GPCPD1: variants seen among roughly 807,000 people sequenced by gnomAD.
GPCPD1 encodes the protein glycerophosphocholine phosphodiesterase 1.
In GPCPD1, 29 loss-of-function variants were observed where a neutral mutation model predicts 89.2. The ratio of observed to expected loss-of-function variants is 0.33; its 90% CI spans 0.24 to 0.44. The LOEUF is 0.44. Ranked by LOEUF, GPCPD1 falls within the 20% of genes least tolerant of loss-of-function variation. GPCPD1 has a pLI of 1.00. For synonymous variants in GPCPD1, 258 were observed against 266.3 expected, an observed-to-expected ratio of 0.97 and a Z score of 0.30; for missense variants, 594 against 808.9, an observed-to-expected ratio of 0.73 and a Z score of 3.22.
intron 3 of GPCPD1, among the ~76,000 whole-genome samples, chr20:5,598,492 T>G (rs1170033360): frequency 1.5e-5 from 2 of 132,790 alleles, no homozygotes; most frequent in Non-Finnish European, 1.6e-5. Flanking sequence ...AAAAAATACA[T>G]CTAAAAAAAA....
chr20:5,558,830 A>G lies in GPCPD1; in HGVS notation c.1533-11T>C, dbSNP rs769373659. The G allele has an allele frequency of 6.5e-7, 1 of 1,544,988 alleles. No homozygotes were observed. Among genetic ancestry groups the G allele is most frequent in the Non-Finnish European group, 8.7e-7 (1 of 1,144,098 alleles). On this transcript the variant is annotated splice_polypyrimidine_tract_variant and intron_variant, in intron 17 of 19. Coordinates refer to ENST00000379019, the MANE Select transcript of GPCPD1 (RefSeq NM_019593.5). ...TGCTTTTGCCGAACCCTGAAAAGAA[A>G]CAATTTTAAAAATACCTTTCAATGG...
intron 8 of GPCPD1, among the ~76,000 whole-genome samples, chr20:5,577,479 C>T (rs189059615): frequency 7.7e-4 from 113 of 146,866 alleles, no homozygotes; most frequent in African/African-American, 2.7e-3. Flanking sequence ...CAGAGCAAGA[C>T]CCTCTCTCCA....
intron 3 of GPCPD1, among the ~76,000 whole-genome samples, chr20:5,594,863 C>T (rs1979596867): frequency 6.6e-6 from 1 of 152,172 alleles, no homozygotes; most frequent in South Asian, 2.1e-4. Flanking sequence ...GCCATTTTCC[C>T]AACAACATGT....
chr20:5,568,230 G>GCATATATA (rs1986506409), intron 12 of GPCPD1, among the ~76,000 whole-genome samples: 1 of 145,536 alleles, frequency 6.9e-6, no homozygotes, highest in African/African-American at 2.5e-5. Flanking sequence ...AATATACTTA[G>GCATATATA]TATATATATA....
chr20:5,593,666 C>T (rs571328385), intron 3 of GPCPD1, among the ~76,000 whole-genome samples: 6 of 152,204 alleles, frequency 3.9e-5, no homozygotes, highest in South Asian at 2.1e-4. Flanking sequence ...ATAGACAGAA[C>T]GAAGTTCTGG....
rs1417706308 is a variant in GPCPD1, at chr20:5,546,346, T to A, written c.*1315A>T. The A allele has an allele frequency of 6.6e-6, 1 of 152,224 alleles. No homozygotes were observed. The highest frequency in any genetic ancestry group is 6.5e-5 in the Admixed American group (1 of 15,274). The allele number at this position is 152,224 out of a possible 1,614,324, so 9.4% of individuals were successfully genotyped here. On this transcript the variant is annotated 3_prime_UTR_variant, in exon 20 of 20. Coordinates refer to ENST00000379019, the MANE Select transcript of GPCPD1 (RefSeq NM_019593.5). The stretch of plus-strand genomic sequence containing the variant: ...TGAATAAACTGCCTTGTGAAAAACA[T>A]GCAGTAAAAGGTAGATGCAAATAAG...
chr20:5,574,156 CAAT>C lies in GPCPD1; in HGVS notation c.1002-190_1002-188del, dbSNP rs1600745552. The C allele has an allele frequency of 1.2e-5, 7 of 584,164 alleles. No individual in the cohort carries two copies. In the East Asian group the frequency reaches 2.0e-4, roughly 17 times the overall value. The allele number at this position is 584,164 out of a possible 1,614,324, so 36.2% of individuals were successfully genotyped here. A position where few individuals can be genotyped will look rare whatever the true frequency, so the allele number is the denominator to read the frequency against. On this transcript the variant is annotated intron_variant, in intron 10 of 19. Coordinates refer to ENST00000379019, the MANE Select transcript of GPCPD1 (RefSeq NM_019593.5). ...TTTATTCCTTAAATGCAAGCTCTGACAATGATAGATATTTACAAGCTGAATACC... is the reference window on the plus strand; with the variant it reads ...TTTATTCCTTAAATGCAAGCTCTGACGATAGATATTTACAAGCTGAATACC...
chr20:5,554,674 C>T (rs1985649565), intron 19 of GPCPD1, among the ~76,000 whole-genome samples: 1 of 152,172 alleles, frequency 6.6e-6, no homozygotes, highest in Non-Finnish European at 1.5e-5. Context: ...ACAGAGATTG[C>T]TGCTTTCATA....
chr20:5,590,960 C>A (rs754768117), intron 4 of GPCPD1, among the ~76,000 whole-genome samples: 1 of 151,916 alleles, frequency 6.6e-6, no homozygotes, highest in Non-Finnish European at 1.5e-5. Flanking sequence ...AACTGGCTAA[C>A]ATTTGACTAT....
Position 5,545,076 on chromosome 20 carries a change from T to C in GPCPD1, c.*2585A>G, listed in dbSNP as rs1984969978. On this transcript the variant is annotated 3_prime_UTR_variant, in exon 20 of 20. Coordinates refer to ENST00000379019, the MANE Select transcript of GPCPD1 (RefSeq NM_019593.5). The stretch of plus-strand genomic sequence containing the variant: ...GATAATGGCGGCATTTTTTCAAACA[T>C]TTCACTTGATTTCCATAAAGTATAA... The C allele has an allele frequency of 6.6e-6, 1 of 152,198 alleles. No homozygotes were observed. The highest frequency in any genetic ancestry group is 2.4e-5 in the African/African-American group (1 of 41,450). 9.4% of individuals were successfully genotyped at this position (152,198 alleles called of 1,614,324 possible).
chr20:5,580,507 C>T (rs555722610), intron 6 of GPCPD1, among the ~76,000 whole-genome samples: 7 of 151,988 alleles, frequency 4.6e-5, no homozygotes, highest in African/African-American at 1.4e-4. Context: ...AGGCGGATTA[C>T]GAAGTCAGGA....
chr20:5,553,644 C>T (rs1031481648), intron 19 of GPCPD1, among the ~76,000 whole-genome samples: 25 of 152,134 alleles, frequency 1.6e-4, no homozygotes, highest in Non-Finnish European at 8.8e-5. Flanking sequence ...GAAAAGAAAG[C>T]AAAGCAGCCT....
At chr20:5,576,000 T>A (rs1482805132) in intron 8 of GPCPD1, 22 bp from the exon 9 acceptor site, 2 of 1,466,262 alleles carry the variant, frequency 1.4e-6, no homozygotes, top group African/African-American at 2.8e-5. Context: ...AGATTTAAAA[T>A]AATCTTAATT....
At chr20:5,610,784 C>G (rs1304392971) in intron 1 of GPCPD1, 58 bp downstream of exon 1, 3 of 150,790 alleles carry the variant, frequency 2.0e-5, no homozygotes, top group Admixed American at 6.6e-5. Context: ...GCCGCCCTGA[C>G]AGCTCAGCCC....
intron 12 of GPCPD1, among the ~76,000 whole-genome samples, chr20:5,568,805 T>C (rs776650911): frequency 1.3e-5 from 2 of 151,978 alleles, no homozygotes; most frequent in Non-Finnish European, 2.9e-5. Context: ...CCTAGCTACT[T>C]AGGAGGCTGA....
chr20:5,559,955 G>A lies in GPCPD1; in HGVS notation c.1517C>T (p.Ala506Val). 1.3e-6 allele frequency: 2 copies of A among 1,543,686 alleles called. No individual in the cohort carries two copies. Among genetic ancestry groups the A allele is most frequent in the Non-Finnish European group, 1.8e-6 (2 of 1,136,432 alleles). ...KRRIVFSSFD[A>V]DICTMVRQKQ... ...TATTACTCACATTGTGCAAATATCT[G>A]CATCAAATGAAGAAAACACTATTCT... Residue 506 changes from alanine to valine, a missense_variant, in exon 17 of 20, where the codon GCA (alanine) becomes GTA (valine). Coordinates refer to ENST00000379019, the MANE Select transcript of GPCPD1 (RefSeq NM_019593.5).
At chr20:5,582,709 C>A (rs577692027) in intron 6 of GPCPD1, among the ~76,000 whole-genome samples, 31 of 150,918 alleles carry the variant, frequency 2.1e-4, no homozygotes, top group Non-Finnish European at 3.0e-4. Context: ...ACCAATATAG[C>A]AAAACCCCAT....
At chr20:5,575,283 A>G (rs1379292871) in intron 10 of GPCPD1, 130 bp downstream of exon 10, 7 of 677,298 alleles carry the variant, frequency 1.0e-5, no homozygotes, top group Admixed American at 2.9e-5. Context: ...TCTAACCCCA[A>G]TTACCAAATT....
chr20:5,549,524 A>C lies in GPCPD1; in HGVS notation c.1830-1674T>G, dbSNP rs112289202. On this transcript the variant is annotated intron_variant, in intron 19 of 19. Coordinates refer to ENST00000379019, the MANE Select transcript of GPCPD1 (RefSeq NM_019593.5). ...ATTCTTCTGAGTATTCTCATAAGAGACCAAGTCAAGCAATCGAGATTTTGG... is the reference window on the plus strand; with the variant it reads ...ATTCTTCTGAGTATTCTCATAAGAGCCCAAGTCAAGCAATCGAGATTTTGG... 1.5e-4 allele frequency: 161 copies of C among 1,058,256 alleles called. 1 individual carries two copies. In the African/African-American group the frequency reaches 2.0e-3, roughly 13 times the overall value. 65.6% of individuals were successfully genotyped at this position (1,058,256 alleles called of 1,614,324 possible).
Sources: allele counts gnomAD v4.1 joint callset (sites outside exome capture counted in the v4.1 genomes callset), GRCh38; gene constraint gnomAD v4.1.1; transcripts MANE v1.5; gene names NCBI Gene and HGNC (gene_info 2026-07-23, HGNC 2026-07-21).